Variants in BACH2 observed in about 807,000 individuals in gnomAD.
BACH2 encodes BACH transcriptional regulator 2.
Under a neutral mutation model 61.8 loss-of-function variants are expected in BACH2, and 5 were observed. That is an observed-to-expected ratio of 0.08 (90% CI 0.04 to 0.17). The LOEUF (loss-of-function observed/expected upper bound fraction) is 0.17. BACH2 is among the 10% of genes least tolerant of loss of function. BACH2 has a pLI of 1.00. For synonymous variants in BACH2, 446 were observed against 440.1 expected, an observed-to-expected ratio of 1.01 and a Z score of -0.17; for missense variants, 824 against 1,091.1, an observed-to-expected ratio of 0.76 and a Z score of 3.45.
intron 2 of BACH2, among the ~76,000 whole-genome samples, chr6:90,254,591 G>A (rs981735876): frequency 6.6e-6 from 1 of 151,736 alleles, no homozygotes; most frequent in Non-Finnish European, 1.5e-5. Flanking sequence ...ACCTAGAGCA[G>A]AAAAATAGCT....
chr6:90,098,689 T>C (rs1197462064), intron 4 of BACH2, among the ~76,000 whole-genome samples: 1 of 152,166 alleles, frequency 6.6e-6, no homozygotes, highest in East Asian at 1.9e-4. Context: ...TAAAATCTCT[T>C]GTAAAAGAAC....
At chr6:90,249,056 T>C (rs567480632) in intron 3 of BACH2, among the ~76,000 whole-genome samples, 2 of 152,342 alleles carry the variant, frequency 1.3e-5, no homozygotes, top group Non-Finnish European at 2.9e-5. Context: ...TTATGCTCTT[T>C]GATTCAGAGA....
intron 6 of BACH2, among the ~76,000 whole-genome samples, chr6:89,968,136 T>A (rs1775146140): frequency 6.6e-6 from 1 of 152,170 alleles, no homozygotes; most frequent in Admixed American, 6.5e-5. Context: ...TTCCAACATA[T>A]GAAAACTGTG....
At chr6:90,295,367 C>G (rs2127896081) in intron 1 of BACH2, among the ~76,000 whole-genome samples, 1 of 152,340 alleles carries the variant, frequency 6.6e-6, no homozygotes, top group South Asian at 2.1e-4. Context: ...CACACACTCA[C>G]TCCCGGCCCT....
chr6:90,244,741 T>C (rs1261717346), intron 3 of BACH2, among the ~76,000 whole-genome samples: 2 of 152,226 alleles, frequency 1.3e-5, no homozygotes, highest in African/African-American at 4.8e-5. Context: ...GTTTACCTAC[T>C]GCACTTGACT....
At chr6:90,269,588 C>G (rs1166594465) in intron 2 of BACH2, among the ~76,000 whole-genome samples, 1 of 152,126 alleles carries the variant, frequency 6.6e-6, no homozygotes, top group Non-Finnish European at 1.5e-5. Flanking sequence ...CAAGGGGTAA[C>G]CAGCATCAAA....
chr6:90,143,732 C>G (rs1784534913), intron 4 of BACH2, among the ~76,000 whole-genome samples: 1 of 152,094 alleles, frequency 6.6e-6, no homozygotes. Flanking sequence ...GAAACGTCAG[C>G]TCCTTGAATA....
At chr6:90,121,160 A>G (rs1226240881) in intron 4 of BACH2, among the ~76,000 whole-genome samples, 1 of 152,272 alleles carries the variant, frequency 6.6e-6, no homozygotes, top group Non-Finnish European at 1.5e-5. Flanking sequence ...TCCAATCAGC[A>G]GACCCAAACT....
intron 5 of BACH2, among the ~76,000 whole-genome samples, chr6:90,082,429 A>T (rs764063135): frequency 6.6e-6 from 1 of 152,118 alleles, no homozygotes; most frequent in Non-Finnish European, 1.5e-5. Flanking sequence ...ATAAGAGCTG[A>T]TTAATATAAT....
At chr6:89,989,251 C>A (rs1356770845) in intron 6 of BACH2, among the ~76,000 whole-genome samples, 1 of 152,194 alleles carries the variant, frequency 6.6e-6, no homozygotes, top group Non-Finnish European at 1.5e-5. Context: ...ATCTCCAGAA[C>A]CTTTTCATCT....
chr6:90,058,459 C>T (rs1780491816), intron 5 of BACH2, among the ~76,000 whole-genome samples: 1 of 152,128 alleles, frequency 6.6e-6, no homozygotes, highest in Non-Finnish European at 1.5e-5. Context: ...AACCACTGCT[C>T]AGTGAAATAA....
At chr6:90,181,202 T>C (rs1251055556) in intron 4 of BACH2, among the ~76,000 whole-genome samples, 1 of 152,246 alleles carries the variant, frequency 6.6e-6, no homozygotes, top group Non-Finnish European at 1.5e-5. Context: ...TTTTTCATTA[T>C]AGCCATTCTG....
chr6:90,103,029 A>ATATATTT, intron 4 of BACH2, among the ~76,000 whole-genome samples: 3 of 21,164 alleles, frequency 1.4e-4, no homozygotes, highest in Admixed American at 9.0e-4. Context: ...ATATATATAT[A>ATATATTT]TTTTTTTTTT....
rs76688121 is a variant in BACH2 at position 90,173,384 on chromosome 6, T to C, written c.-162+33185A>G. 4.9e-3 allele frequency among the ~76,000 whole-genome samples: 749 copies of C among 152,170 alleles called. 2 individuals are homozygous for C. The highest frequency in any genetic ancestry group is 0.017 in the African/African-American group (709 of 41,536). ...TCATAGCAACTTTATCCACAATAGT[T>C]GAAAAAACTGGAAATGACCCAAATA... On this transcript the variant is annotated intron_variant, in intron 4 of 8. Coordinates refer to ENST00000257749, the MANE Select transcript of BACH2 (RefSeq NM_021813.4).
rs575511930 is a variant in BACH2, at chr6:90,148,582, G to A, written c.-162+57987C>T. On this transcript the variant is annotated intron_variant, in intron 4 of 8. Coordinates refer to ENST00000257749, the MANE Select transcript of BACH2 (RefSeq NM_021813.4). The stretch of plus-strand genomic sequence containing the variant: ...TGGATTCTAGACAGATACTTGAAAT[G>A]ATGCTCTAGAGGAATATTCAAGTGA... Among the ~76,000 whole-genome samples, 4 of 152,240 alleles carry A rather than the reference G, an allele frequency of 2.6e-5. No homozygotes were observed. In the South Asian group the frequency reaches 8.3e-4, roughly 32 times the overall value.
At chr6:90,291,578 C>T (rs1257003342) in intron 1 of BACH2, among the ~76,000 whole-genome samples, 1 of 140,650 alleles carries the variant, frequency 7.1e-6, no homozygotes, top group Non-Finnish European at 1.5e-5. Context: ...AAAGCAACTA[C>T]TGTCTTTTTT....
intron 6 of BACH2, among the ~76,000 whole-genome samples, chr6:89,956,995 C>A (rs1218629782): frequency 6.6e-6 from 1 of 152,208 alleles, no homozygotes; most frequent in Admixed American, 6.5e-5. Context: ...ACATCTTCAG[C>A]AACACCATGT....
intron 4 of BACH2, among the ~76,000 whole-genome samples, chr6:90,180,860 TACACACACAC>T (rs111933173): frequency 2.9e-3 from 420 of 147,270 alleles, no homozygotes; most frequent in African/African-American, 9.8e-3. Context: ...TTATGTGTAT[TACACACACAC>T]ACACACACAC....
In BACH2 at chr6:89,951,270, G is replaced by A. The variant is rs747348520; in HGVS notation, c.836C>T (p.Pro279Leu). The A allele has an allele frequency of 9.9e-6, 16 of 1,614,142 alleles. No individual in the cohort carries two copies. The highest frequency in any genetic ancestry group is 1.4e-5 in the Non-Finnish European group (16 of 1,180,046). The change falls in exon 7 of 9, where the codon CCG (proline) becomes CTG (leucine). Residue 279 changes from proline to leucine, a missense_variant. By Grantham distance (98) the Pro-to-Leu change is moderately conservative (BLOSUM62 -3). Transcript: ENST00000257749. The surrounding 1 kb of genome is among the most constrained non-coding windows in gnomAD (Gnocchi z 6.4). ...GLARGQIKSE[P>L]PSEENEEESI... ...CTCTTCCTCATTCTCTTCACTGGGCGGCTCACTTTTAATCTGCCCCCTGGC... is the reference window on the plus strand; with the variant it reads ...CTCTTCCTCATTCTCTTCACTGGGCAGCTCACTTTTAATCTGCCCCCTGGC...
Sources: allele counts gnomAD v4.1 joint callset (sites outside exome capture counted in the v4.1 genomes callset), GRCh38; gene constraint gnomAD v4.1.1; non-coding constraint Gnocchi (gnomAD v3.1); transcripts MANE v1.5; gene names NCBI Gene and HGNC (gene_info 2026-07-23, HGNC 2026-07-21).